TMEM178B: variants seen among roughly 807,000 people sequenced by gnomAD.
TMEM178B encodes transmembrane protein 178B.
In TMEM178B, 5 loss-of-function variants were observed where a neutral mutation model predicts 31.0. The ratio of observed to expected loss-of-function variants is 0.16; its 90% confidence interval spans 0.08 to 0.34. The LOEUF is 0.34. TMEM178B is among the 10% of genes least tolerant of loss of function. The probability of loss-of-function intolerance (pLI) is 1.00; values close to 1 mark genes in which losing one functional copy is unlikely to be tolerated. For synonymous variants in TMEM178B, 164 were observed against 164.0 expected (o/e 1.00, Z 0.00); for missense variants, 275 against 400.3 (o/e 0.69, Z 2.67).
chr7:141,282,302 A>C (rs924278965), intron 2 of TMEM178B, among the ~76,000 whole-genome samples: 1 of 152,220 alleles, frequency 6.6e-6, no homozygotes, highest in Non-Finnish European at 1.5e-5. Context: ...GGCTTCTGTA[A>C]CCCTGCCCTT....
chr7:141,338,281 T>C (rs2116505972), intron 2 of TMEM178B, among the ~76,000 whole-genome samples: 1 of 152,330 alleles, frequency 6.6e-6, no homozygotes, highest in Non-Finnish European at 1.5e-5. Flanking sequence ...TGTTTAAAAG[T>C]TTATTATAAT....
chr7:141,308,807 G>C (rs1798861598), intron 2 of TMEM178B, among the ~76,000 whole-genome samples: 1 of 152,176 alleles, frequency 6.6e-6, no homozygotes, highest in Admixed American at 6.5e-5. Context: ...GAGCTGGGTG[G>C]GGAGGGGCCA....
chr7:141,457,831 CAT>C (rs1801993419), intron 3 of TMEM178B, among the ~76,000 whole-genome samples: 1 of 152,126 alleles, frequency 6.6e-6, no homozygotes, highest in South Asian at 2.1e-4. Context: ...TGCAGTGTAA[CAT>C]ATTTTGTGGT....
rs997194685 is a variant in TMEM178B at position 141,344,421 on chromosome 7, A to G, written c.497-93187A>G. Among the ~76,000 whole-genome samples the G allele has an allele frequency of 6.6e-6, 1 of 152,212 alleles. No homozygotes were observed. Among genetic ancestry groups the G allele is most frequent in the Non-Finnish European group, 1.5e-5 (1 of 68,032 alleles). On this transcript the variant is annotated intron_variant, in intron 2 of 3. Coordinates refer to ENST00000565468, the MANE Select transcript of TMEM178B (RefSeq NM_001195278.2). The surrounding 1 kb of genome is among the most constrained non-coding windows in gnomAD (Gnocchi z 4.1). The stretch of plus-strand genomic sequence containing the variant: ...ATCAGATGACATTTGAAGGGATCCA[A>G]CTAATGTTGAGTTCTGCTTTATAAT...
chr7:141,487,991 A>G, the TMEM178B span, among the ~76,000 whole-genome samples: 1 of 152,056 alleles, frequency 6.6e-6, no homozygotes, highest in Non-Finnish European at 1.5e-5. Flanking sequence ...GGTGGTTTTA[A>G]TAACCTGATA....
chr7:141,167,296 C>T (rs1796277166), intron 1 of TMEM178B, among the ~76,000 whole-genome samples: 1 of 152,242 alleles, frequency 6.6e-6, no homozygotes. Flanking sequence ...GTCTGTTACC[C>T]CAAATGCCCC....
At chr7:141,112,484 A>G (rs1452441457) in intron 1 of TMEM178B, among the ~76,000 whole-genome samples, 1 of 152,068 alleles carries the variant, frequency 6.6e-6, no homozygotes, top group Non-Finnish European at 1.5e-5. Context: ...AAACTTGTGG[A>G]CTCAAGTGAT....
intron 2 of TMEM178B, among the ~76,000 whole-genome samples, chr7:141,223,274 T>A (rs1797284231): frequency 6.6e-6 from 1 of 152,124 alleles, no homozygotes; most frequent in South Asian, 2.1e-4. Context: ...ATTACTATAC[T>A]GTATTACTAT....
At chr7:141,191,691 G>A (rs993131988) in intron 1 of TMEM178B, among the ~76,000 whole-genome samples, 2 of 152,234 alleles carry the variant, frequency 1.3e-5, no homozygotes, top group African/African-American at 2.4e-5. Flanking sequence ...AATTGTATTG[G>A]TTGATCTTTT....
At chr7:141,170,518 C>A (rs552789592) in intron 1 of TMEM178B, among the ~76,000 whole-genome samples, 1 of 152,098 alleles carries the variant, frequency 6.6e-6, no homozygotes, top group African/African-American at 2.4e-5. Context: ...AGTTGTTTCT[C>A]GTTGTTATAA....
At chr7:141,430,292 G>GC (rs2116667912) in intron 2 of TMEM178B, 2 of 152,320 alleles carry the variant, frequency 1.3e-5, no homozygotes, top group Admixed American at 1.3e-4. Context: ...CACCTTATGT[G>GC]CTCATGTATG....
chr7:141,275,874 T>G (rs1798258462), intron 2 of TMEM178B, among the ~76,000 whole-genome samples: 1 of 152,180 alleles, frequency 6.6e-6, no homozygotes, highest in Non-Finnish European at 1.5e-5. Context: ...CAGAGAACAA[T>G]GATTTGTGAA....
intron 2 of TMEM178B, among the ~76,000 whole-genome samples, chr7:141,321,892 G>C (rs918799270): frequency 6.6e-6 from 1 of 151,720 alleles, no homozygotes; most frequent in Non-Finnish European, 1.5e-5. Context: ...ACAGGACCCA[G>C]GAGGCTTGTA....
intron 2 of TMEM178B, among the ~76,000 whole-genome samples, chr7:141,432,251 T>C: frequency 7.1e-6 from 1 of 141,170 alleles, no homozygotes; most frequent in East Asian, 2.3e-4. Flanking sequence ...ACCTCCTGGG[T>C]TCAAGCAATT....
intron 1 of TMEM178B, among the ~76,000 whole-genome samples, chr7:141,149,644 G>A (rs1795926724): frequency 6.6e-6 from 1 of 152,162 alleles, no homozygotes; most frequent in African/African-American, 2.4e-5. Flanking sequence ...GTCCTTATAA[G>A]CAGAGGGAAA....
intron 2 of TMEM178B, among the ~76,000 whole-genome samples, chr7:141,357,300 T>C (rs1370971002): frequency 6.6e-6 from 1 of 152,272 alleles, no homozygotes; most frequent in African/African-American, 2.4e-5. Flanking sequence ...TGTACATCTT[T>C]ACAAAATTTG....
At chr7:141,098,011 C>T (rs574276576) in intron 1 of TMEM178B, among the ~76,000 whole-genome samples, 20 of 152,002 alleles carry the variant, frequency 1.3e-4, no homozygotes, top group African/African-American at 1.9e-4. Context: ...AGGCTGGTCT[C>T]GAACTCCTGG....
chr7:141,122,025 T>C (rs1795416038), intron 1 of TMEM178B, among the ~76,000 whole-genome samples: 1 of 152,200 alleles, frequency 6.6e-6, no homozygotes, highest in Admixed American at 6.5e-5. Flanking sequence ...CATTGGTAGA[T>C]TTCGTGAGGG....
chr7:141,336,745 C>T (rs944184154), intron 2 of TMEM178B, among the ~76,000 whole-genome samples: 7 of 151,414 alleles, frequency 4.6e-5, no homozygotes, highest in African/African-American at 1.7e-4. Context: ...TCTAGCATCC[C>T]ACCATTACCA....
Sources: gnomAD v4.1 joint callset for allele counts (sites outside exome capture counted in the v4.1 genomes callset) on GRCh38, gnomAD v4.1.1 for gene constraint, Gnocchi (gnomAD v3.1) non-coding constraint, MANE v1.5 for transcripts, NCBI Gene and HGNC (gene_info 2026-07-23, HGNC 2026-07-21) for gene names.